The following FAM163B variants were observed in gnomAD, a reference collection of about 807,000 sequenced individuals.
FAM163B encodes family with sequence similarity 163 member B.
A neutral mutation model predicts 7.6 loss-of-function variants in FAM163B; 4 were observed. That is an observed-to-expected ratio of 0.52 (90% CI 0.26 to 1.20). The LOEUF is 1.20. Among genes scored for constraint, FAM163B ranks in the 50% most tolerant of loss-of-function variants. FAM163B has a pLI of 0.14. For missense variants in FAM163B, 250 were observed against 243.0 expected (o/e 1.03, Z -0.19); for synonymous variants, 120 against 111.6 (o/e 1.07, Z -0.47).
Position 133,606,014 on chromosome 9 carries a change from C to G in FAM163B, c.-24+3063G>C, listed in dbSNP as rs1831785167. Among the ~76,000 whole-genome samples, 2 of 152,194 alleles carry G rather than the reference C, an allele frequency of 1.3e-5. No individual in the cohort carries two copies. Among genetic ancestry groups the G allele is most frequent in the Admixed American group, 6.5e-5 (1 of 15,290 alleles). ...CCCTCCGGGCTCCCAGAGCCTGGTT[C>G]CTGTGGACTGCGGCGGAAAGCCCAA... On this transcript the variant is annotated intron_variant, in intron 1 of 2. Transcript: ENST00000673969. The surrounding 1 kb of genome is among the most constrained non-coding windows in gnomAD (Gnocchi z 4.0).
rs79629567 is a variant in FAM163B, at chr9:133,594,213, A to G, written c.-23-13967T>C. Among the ~76,000 whole-genome samples, 1,235 of 152,286 alleles carry G rather than the reference A, an allele frequency of 8.1e-3. 18 individuals carry two copies. Among genetic ancestry groups the G allele is most frequent in the African/African-American group, 0.029 (1,186 of 41,530 alleles). On this transcript the variant is annotated intron_variant, in intron 1 of 2. Transcript: ENST00000673969. ...TTGTTTCCCGTAAGGCATCCCCATC[A>G]GTCCATCCAAGGAATCTCTCTGGAA... is the stretch of plus-strand genomic sequence containing the variant.
rs1831824015 is a variant in FAM163B at position 133,609,196 on chromosome 9, GC to G, written c.-144del. On this transcript the variant is annotated 5_prime_UTR_variant, in exon 1 of 3. Transcript: ENST00000673969. Reference sequence around the variant, plus strand: ...GGCGGCCGCTCATGCCCAGGCCACGGCGGTGGCGCCTGGTGTGGCTGGGCGG... The same window carrying G: ...GGCGGCCGCTCATGCCCAGGCCACGGGGTGGCGCCTGGTGTGGCTGGGCGG... 6.6e-6 allele frequency among the ~76,000 whole-genome samples: 1 copy of G among 151,706 alleles called. No homozygotes were observed. Among genetic ancestry groups the G allele is most frequent in the African/African-American group, 2.4e-5 (1 of 41,408 alleles).
chr9:133,582,962 G>C (rs1468474654), intron 1 of FAM163B, among the ~76,000 whole-genome samples: 2 of 152,328 alleles, frequency 1.3e-5, no homozygotes, highest in Admixed American at 1.3e-4. Flanking sequence ...TGACTCAGGT[G>C]CCGATCCCTC....
chr9:133,607,065 C>T (rs113857328), intron 1 of FAM163B, among the ~76,000 whole-genome samples: 10 of 152,204 alleles, frequency 6.6e-5, no homozygotes, highest in East Asian at 1.9e-4. Context: ...CAGGTCAGTC[C>T]GAAGATTTCA....
chr9:133,602,781 C>T (rs920373141), intron 1 of FAM163B, among the ~76,000 whole-genome samples: 21 of 152,284 alleles, frequency 1.4e-4, no homozygotes, highest in African/African-American at 5.1e-4. Context: ...AAGTAAATAC[C>T]AGAAGCTCAC....
intron 1 of FAM163B, among the ~76,000 whole-genome samples, chr9:133,587,567 A>G (rs1319135874): frequency 6.6e-6 from 1 of 152,002 alleles, no homozygotes; most frequent in Non-Finnish European, 1.5e-5. Flanking sequence ...GCTTCCTCTG[A>G]CCCAGTGGGC....
chr9:133,580,105 T>A, intron 2 of FAM163B, 26 bp downstream of exon 2: 3 of 1,600,104 alleles, frequency 1.9e-6, no homozygotes, highest in Non-Finnish European at 2.6e-6. Context: ...CCCTGCCCTG[T>A]CCCCTTCCCC....
intron 1 of FAM163B, among the ~76,000 whole-genome samples, chr9:133,607,626 C>T (rs553102235): frequency 3.9e-5 from 6 of 152,288 alleles, no homozygotes; most frequent in South Asian, 2.1e-4. Context: ...CCAAGCTTTC[C>T]GGCTGAGTCT....
chr9:133,578,776 A>C lies in FAM163B; in HGVS notation c.*246T>G. On this transcript the variant is annotated 3_prime_UTR_variant, in exon 3 of 3. Coordinates refer to ENST00000673969, the MANE Select transcript of FAM163B (RefSeq NM_001080515.3). ...CCCTGGTGCATGCCCAGCCGGCTGTATGGTCACCTGGTCCTTCTAGCCCCA... is the reference window on the plus strand; with the variant it reads ...CCCTGGTGCATGCCCAGCCGGCTGTCTGGTCACCTGGTCCTTCTAGCCCCA... 1.7e-6 allele frequency: 1 copy of C among 600,150 alleles called. No homozygotes were observed. Among genetic ancestry groups the C allele is most frequent in the Non-Finnish European group, 2.6e-6 (1 of 384,204 alleles). The allele number at this position is 600,150 out of a possible 1,614,324, so 37.2% of individuals were successfully genotyped here.
At chr9:133,590,623 C>G (rs739444) in intron 1 of FAM163B, among the ~76,000 whole-genome samples, 38,783 of 151,996 alleles carry the variant, frequency 0.26, 5,324 homozygotes, top group East Asian at 0.45. Context: ...CTCAGTAAAG[C>G]CCTCGCTGAC....
At chr9:133,592,059 G>A (rs540617769) in intron 1 of FAM163B, among the ~76,000 whole-genome samples, 4 of 152,192 alleles carry the variant, frequency 2.6e-5, no homozygotes, top group African/African-American at 9.6e-5. Context: ...CATTTTCCTT[G>A]TTTTTCTGGA....
At chr9:133,592,477 A>C (rs3025295) in intron 1 of FAM163B, among the ~76,000 whole-genome samples, 78,494 of 152,014 alleles carry the variant, frequency 0.52, 21,016 homozygotes, top group South Asian at 0.7. Context: ...GAGCCATAGA[A>C]GAGTGCCTTC....
At chr9:133,584,912 G>A (rs1010509677) in intron 1 of FAM163B, among the ~76,000 whole-genome samples, 18 of 152,238 alleles carry the variant, frequency 1.2e-4, no homozygotes, top group Admixed American at 1.2e-3. Context: ...TGCCAGCCAA[G>A]GCAATTTGGC....
intron 1 of FAM163B, among the ~76,000 whole-genome samples, chr9:133,605,980 G>T (rs7022307): frequency 2.0e-5 from 3 of 152,162 alleles, no homozygotes; most frequent in Non-Finnish European, 4.4e-5. Context: ...AGGGCAGAGC[G>T]AACCATGTCC....
At chr9:133,605,162 T>G (rs1220427369) in intron 1 of FAM163B, among the ~76,000 whole-genome samples, 1 of 152,196 alleles carries the variant, frequency 6.6e-6, no homozygotes, top group African/African-American at 2.4e-5. Flanking sequence ...GGAGCTGGCC[T>G]GGAAGAGGTT....
chr9:133,599,163 C>A (rs1831674623), intron 1 of FAM163B, among the ~76,000 whole-genome samples: 1 of 152,186 alleles, frequency 6.6e-6, no homozygotes, highest in Non-Finnish European at 1.5e-5. Flanking sequence ...CTTTAAATGC[C>A]TCACCTGCAC....
At chr9:133,581,374 A>AT (rs1190942911) in intron 1 of FAM163B, among the ~76,000 whole-genome samples, 6 of 150,924 alleles carry the variant, frequency 4.0e-5, no homozygotes, top group East Asian at 3.9e-4. Flanking sequence ...CCTCATTTTT[A>AT]TTTTTTTTTC....
intron 1 of FAM163B, among the ~76,000 whole-genome samples, chr9:133,593,440 G>A (rs939906908): frequency 6.6e-6 from 1 of 151,302 alleles, no homozygotes; most frequent in South Asian, 2.1e-4. Flanking sequence ...TCTGCCAGCC[G>A]AGGTCATACA....
At position 133,579,332 on chromosome 9, in the gene FAM163B, A is replaced by G; in HGVS notation, c.191T>C (p.Leu64Pro). Residue 64 changes from leucine (L) to proline (P), a missense_variant, in exon 3 of 3, where the codon CTG (leucine) becomes CCG (proline). Leu to Pro is a moderately conservative substitution (Grantham distance 98, BLOSUM62 -3). Transcript: ENST00000673969. Reference sequence around the variant, plus strand: ...GAGCGCCGGCCCGTTGGTCAGCACCAGGTTGCGGTTGGAGTGCAGCGGGGG... The same window carrying G: ...GAGCGCCGGCCCGTTGGTCAGCACCGGGTTGCGGTTGGAGTGCAGCGGGGG... Reference protein sequence around the residue: ...HLPPLHSNRNLVLTNGPALYP... With the variant: ...HLPPLHSNRNPVLTNGPALYP... 2 of 1,613,680 alleles carry G rather than the reference A, an allele frequency of 1.2e-6. No homozygotes were observed. Among genetic ancestry groups the G allele is most frequent in the South Asian group, 1.1e-5 (1 of 91,018 alleles).
Sources: allele counts gnomAD v4.1 joint callset (sites outside exome capture counted in the v4.1 genomes callset), GRCh38; gene constraint gnomAD v4.1.1; non-coding constraint Gnocchi (gnomAD v3.1); transcripts MANE v1.5; gene names NCBI Gene and HGNC (gene_info 2026-07-23, HGNC 2026-07-21).